Variants in KHDC4 observed in about 807,000 individuals in gnomAD.
The protein encoded by KHDC4 is KH homology domain-containing protein 4.
A neutral mutation model predicts 74.5 loss-of-function variants in KHDC4; 19 were observed. The ratio of observed to expected loss-of-function variants is 0.26; its 90% CI spans 0.18 to 0.37. The LOEUF (loss-of-function observed/expected upper bound fraction) is 0.37, where lower values mean the gene tolerates loss of function less well. Among genes scored for constraint, KHDC4 ranks in the 10% least tolerant of loss-of-function variants. The probability of loss-of-function intolerance (pLI) is 1.00; values close to 1 mark genes in which losing one functional copy is unlikely to be tolerated. For synonymous variants in KHDC4, 253 were observed against 266.1 expected (o/e 0.95, Z 0.48); for missense variants, 632 against 754.1 (o/e 0.84, Z 1.90).
chr1:155,916,707 T>C lies in KHDC4; in HGVS notation c.1471A>G (p.Thr491Ala). 1 of 1,613,876 alleles carries C rather than the reference T, an allele frequency of 6.2e-7. No homozygotes were observed. Among genetic ancestry groups the C allele is most frequent in the East Asian group, 2.2e-5 (1 of 44,866 alleles). Reference sequence around the variant, plus strand: ...ATCTCATTCTGACTGGAGAAGCCTGTACCTAAATTAGTCATATGAATGGGT... The same window carrying C: ...ATCTCATTCTGACTGGAGAAGCCTGCACCTAAATTAGTCATATGAATGGGT... The part of the protein sequence containing the change: ...HGPIHMTNLG[T>A]GFSSQNEIEG... Residue 491 changes from threonine to alanine, a missense_variant, in exon 12 of 14, where the codon ACA (threonine) becomes GCA (alanine). Transcript: ENST00000368321.
intron 10 of KHDC4, among the ~76,000 whole-genome samples, chr1:155,918,979 T>G (rs955457619): frequency 1.5e-4 from 22 of 149,976 alleles, no homozygotes; most frequent in South Asian, 4.3e-4. Flanking sequence ...CAGTTTTTTT[T>G]TTTTTTTTTT....
In KHDC4 at chr1:155,933,799, G is replaced by A. The variant is rs142107101; in HGVS notation, c.89C>T (p.Pro30Leu). 1.3e-6 allele frequency: 2 copies of A among 1,592,838 alleles called. No individual in the cohort carries two copies. Among genetic ancestry groups the A allele is most frequent in the South Asian group, 1.1e-5 (1 of 88,690 alleles). ...QPAPAPLLFL[P>L]PAAPGGEVTS... Reference sequence around the variant, plus strand: ...GACCTCCCCACCTGGGGCCGCTGGCGGGAGGAAGAGAAGTGGGGCTGGAGC... The same window carrying A: ...GACCTCCCCACCTGGGGCCGCTGGCAGGAGGAAGAGAAGTGGGGCTGGAGC... Residue 30 changes from proline (P) to leucine (L), a missense_variant, in exon 2 of 14, where the codon CCG becomes CTG. Pro to Leu is a moderately conservative substitution (Grantham distance 98). Around this residue, in one of 4 missense-constraint regions of KHDC4, gnomAD observed 104 missense variants for 78.1 expected, o/e 1.33. Coordinates refer to ENST00000368321, the MANE Select transcript of KHDC4 (RefSeq NM_014949.4).
chr1:155,922,211 T>C (rs1028167161), intron 8 of KHDC4, among the ~76,000 whole-genome samples: 3 of 149,674 alleles, frequency 2.0e-5, no homozygotes, highest in Admixed American at 6.8e-5. Flanking sequence ...AATGGCATGG[T>C]CTCAGCTCAC....
intron 4 of KHDC4, among the ~76,000 whole-genome samples, chr1:155,927,823 A>AC (rs1572012491): frequency 1.0e-5 from 1 of 96,078 alleles, no homozygotes; most frequent in Admixed American, 1.2e-4. Flanking sequence ...AAAAAAAAAA[A>AC]AAAAAAAACC....
chr1:155,922,117 A>G (rs1420580524), intron 8 of KHDC4, 199 bp from the exon 9 acceptor site: 2 of 382,046 alleles, frequency 5.2e-6, no homozygotes, highest in African/African-American at 2.3e-5. Flanking sequence ...GCTGGAGTGC[A>G]GTGGCGCGAT....
At chr1:155,927,448 A>G (rs1239936531) in intron 4 of KHDC4, among the ~76,000 whole-genome samples, 1 of 152,098 alleles carries the variant, frequency 6.6e-6, no homozygotes, top group Non-Finnish European at 1.5e-5. Flanking sequence ...AATATTTAAG[A>G]ACAGAATTCC....
chr1:155,927,209 G>T, intron 4 of KHDC4, 53 bp from the exon 5 acceptor site: 2 of 1,347,016 alleles, frequency 1.5e-6, no homozygotes, highest in African/African-American at 1.4e-5. Context: ...ACCAAAAAAG[G>T]AGTCAAATGG....
At chr1:155,931,985 C>T (rs1674151574) in intron 2 of KHDC4, among the ~76,000 whole-genome samples, 1 of 152,108 alleles carries the variant, frequency 6.6e-6, no homozygotes, top group Non-Finnish European at 1.5e-5. Context: ...AGCCATTAGC[C>T]ACATGTGTCT....
At chr1:155,933,958 C>T (rs1184581732) in intron 1 of KHDC4, 109 bp from the exon 2 acceptor site, 3 of 830,746 alleles carry the variant, frequency 3.6e-6, no homozygotes, top group East Asian at 5.6e-5. Flanking sequence ...CCATTTACAC[C>T]TCCGAATCAC....
At chr1:155,934,124 C>T (rs981321884) in intron 1 of KHDC4, among the ~76,000 whole-genome samples, 2 of 152,158 alleles carry the variant, frequency 1.3e-5, no homozygotes, top group African/African-American at 2.4e-5. Flanking sequence ...TTCCCCTTGG[C>T]TCGCCCTTCC....
rs1470757460 is a variant in KHDC4, at chr1:155,920,207, A to T, written c.1266+1168T>A. Among the ~76,000 whole-genome samples the T allele has an allele frequency of 2.0e-5, 3 of 152,214 alleles. No individual in the cohort carries two copies. The East Asian group carries it at 5.8e-4, about 29-fold the overall frequency. On this transcript the variant is annotated intron_variant, in intron 10 of 13. Coordinates refer to ENST00000368321, the MANE Select transcript of KHDC4 (RefSeq NM_014949.4). The stretch of plus-strand genomic sequence containing the variant: ...GTAATCCCAGGACTTGGGGAGGCAG[A>T]GGCAGTTGGATCATGAGGTCAGGAG...
chr1:155,921,422 T>C lies in KHDC4; in HGVS notation c.1219A>G (p.Thr407Ala). ...TGCACTTGTGTTATCGGGTATTGTG[T>C]TGGCACAGGTGGGACTCCAGTAGGT... ...ALPTGVPPVPTQYPITQVQPP... is the reference protein window; with the variant it reads ...ALPTGVPPVPAQYPITQVQPP... The change falls in exon 10 of 14, where the codon ACA becomes GCA. Residue 407 changes from threonine (T) to alanine (A), a missense_variant. Around this residue, in one of 4 missense-constraint regions of KHDC4, gnomAD observed 254 missense variants for 267.4 expected, o/e 0.95. Transcript: ENST00000368321. 1 of 1,614,122 alleles carries C rather than the reference T, an allele frequency of 6.2e-7. No homozygotes were observed. Among genetic ancestry groups the C allele is most frequent in the Non-Finnish European group, 8.5e-7 (1 of 1,179,994 alleles).
intron 1 of KHDC4, among the ~76,000 whole-genome samples, 165 bp downstream of exon 1, chr1:155,934,171 C>A (rs921591668): frequency 1.3e-5 from 2 of 152,144 alleles, no homozygotes; most frequent in African/African-American, 4.8e-5. Flanking sequence ...GGATCCCCGC[C>A]GGCCCTTTAA....
chr1:155,919,214 C>T (rs538255847), intron 10 of KHDC4, among the ~76,000 whole-genome samples: 3 of 151,960 alleles, frequency 2.0e-5, no homozygotes, highest in African/African-American at 7.2e-5. Context: ...GTGATCCACC[C>T]GCCCCAACCT....
At chr1:155,923,584 G>A (rs756456899) in intron 8 of KHDC4, 43 bp downstream of exon 8, 3 of 1,415,294 alleles carry the variant, frequency 2.1e-6, no homozygotes, top group African/African-American at 2.8e-5. Flanking sequence ...ACTCCAAAAT[G>A]GCAATTGCTC....
In KHDC4 at chr1:155,929,753, T is replaced by G; in HGVS notation, c.343A>C (p.Thr115Pro). The change falls in exon 3 of 14, where the codon ACA (threonine) becomes CCA (proline). Residue 115 changes from threonine (T) to proline (P), a missense_variant. By Grantham distance (38) the Thr-to-Pro change is conservative (BLOSUM62 -1). Transcript: ENST00000368321. ...CCTCGAGTCAGCAAGTTCCTACATG[T>G]GAGAGGCACATCATTAATTTCTACT... is the stretch of plus-strand genomic sequence containing the variant. Reference protein sequence around the residue: ...AEVEINDVPLTCRNLLTRGQT... With the variant: ...AEVEINDVPLPCRNLLTRGQT... 6.2e-7 allele frequency: 1 copy of G among 1,612,920 alleles called. No individual in the cohort carries two copies. Among genetic ancestry groups the G allele is most frequent in the Non-Finnish European group, 8.5e-7 (1 of 1,179,588 alleles).
rs370270450 is a variant in KHDC4, at chr1:155,929,715, G to A, written c.381C>T (p.Asp127=). 1.2e-5 allele frequency: 19 copies of A among 1,609,146 alleles called. No individual in the cohort carries two copies. In the African/African-American group the frequency reaches 1.7e-4, roughly 15 times the overall value. Reference sequence around the variant, plus strand: ...AAGAGTCTCAATGCCTCCTCACCTCGTCTTGAGTCTGTCCTCGAGTCAGCA... The same window carrying A: ...AAGAGTCTCAATGCCTCCTCACCTCATCTTGAGTCTGTCCTCGAGTCAGCA... ...RNLLTRGQTQ[D]EISRLSGAAV... is the part of the protein sequence containing the mutation. Residue 127 remains aspartate, a synonymous_variant, in exon 3 of 14, where the codon GAC becomes GAT. Transcript: ENST00000368321.
At chr1:155,914,354 CCCG>C (rs1324381631) in intron 13 of KHDC4, 34 bp from the exon 14 acceptor site, 2 of 1,496,478 alleles carry the variant, frequency 1.3e-6, no homozygotes, top group Non-Finnish European at 9.2e-7. Flanking sequence ...CAACCCCATC[CCCG>C]CCAAGGGAAA....
chr1:155,917,686 A>G lies in KHDC4; in HGVS notation c.1267-14T>C. 4 of 1,492,596 alleles carry G rather than the reference A, an allele frequency of 2.7e-6. No individual in the cohort carries two copies. The Middle Eastern group carries it at 7.3e-4, about 272-fold the overall frequency. The allele number at this position is 1,492,596 out of a possible 1,614,324, so 92.5% of individuals were successfully genotyped here. On this transcript the variant is annotated splice_polypyrimidine_tract_variant and intron_variant, in intron 10 of 13. Transcript: ENST00000368321. Reference sequence around the variant, plus strand: ...ACCCATCGGACTCTGGGACCAAAACAAACCAAGGAAGAAAAAAAGTGTGAG... The same window carrying G: ...ACCCATCGGACTCTGGGACCAAAACGAACCAAGGAAGAAAAAAAGTGTGAG...
Sources: allele counts gnomAD v4.1 joint callset (sites outside exome capture counted in the v4.1 genomes callset), GRCh38; gene constraint gnomAD v4.1.1; regional missense constraint gnomAD v4.1.1; transcripts MANE v1.5; gene names NCBI Gene and HGNC (gene_info 2026-07-23, HGNC 2026-07-21).